The following RBFOX3 variants were observed in gnomAD, a reference collection of about 807,000 sequenced individuals.
RBFOX3 encodes the protein RNA binding protein fox-1 homolog 3.
Under a neutral mutation model 48.7 loss-of-function variants are expected in RBFOX3, and 17 were observed. The ratio of observed to expected loss-of-function variants is 0.35; its 90% CI spans 0.24 to 0.52. RBFOX3 has a LOEUF of 0.52. RBFOX3 is among the 20% of genes least tolerant of loss of function. The probability of loss-of-function intolerance (pLI) is 0.94; values close to 1 mark genes in which losing one functional copy is unlikely to be tolerated. For missense variants in RBFOX3, 382 were observed against 497.5 expected (o/e 0.77, Z 2.21); for synonymous variants, 212 against 209.5 (o/e 1.01, Z -0.10).
intron 2 of RBFOX3, among the ~76,000 whole-genome samples, chr17:79,426,032 C>A (rs570526842): frequency 6.6e-6 from 1 of 151,956 alleles, no homozygotes; most frequent in East Asian, 1.9e-4. Flanking sequence ...AGCAAGGCTG[C>A]GGGACTCATG....
chr17:79,280,899 C>T (rs1227676359), intron 3 of RBFOX3, among the ~76,000 whole-genome samples: 1 of 151,874 alleles, frequency 6.6e-6, no homozygotes, highest in Non-Finnish European at 1.5e-5. Context: ...TGCCATCCAT[C>T]ACGTATTACT....
At chr17:79,506,553 C>A (rs973184632) in intron 1 of RBFOX3, among the ~76,000 whole-genome samples, 222 of 152,314 alleles carry the variant, frequency 1.5e-3, no homozygotes, top group African/African-American at 4.7e-3. Flanking sequence ...GCAGCACTGC[C>A]CCGGGCCACA....
chr17:79,409,307 C>T (rs1474766468), intron 2 of RBFOX3, among the ~76,000 whole-genome samples: 2 of 152,204 alleles, frequency 1.3e-5, no homozygotes, highest in African/African-American at 2.4e-5. Context: ...CTCCTACAAA[C>T]GTGTGCACAC....
At chr17:79,445,367 C>T (rs149328527) in intron 2 of RBFOX3, among the ~76,000 whole-genome samples, 55 of 152,250 alleles carry the variant, frequency 3.6e-4, no homozygotes, top group African/African-American at 1.3e-3. Flanking sequence ...TAAATGACAG[C>T]GGCCTGGGTG....
intron 4 of RBFOX3, among the ~76,000 whole-genome samples, chr17:79,175,180 G>A (rs1346230850): frequency 6.6e-6 from 1 of 152,258 alleles, no homozygotes; most frequent in Non-Finnish European, 1.5e-5. Context: ...GGAGTACCTG[G>A]CGATGGCCAA....
upstream of RBFOX3, among the ~76,000 whole-genome samples, chr17:79,614,151 G>T (rs1207318138): frequency 2.6e-5 from 4 of 152,234 alleles, no homozygotes; most frequent in Non-Finnish European, 5.9e-5. Context: ...TCCCCCGAAG[G>T]CTCAGAAGGC....
intron 3 of RBFOX3, chr17:79,298,392 T>C (rs1456937643): frequency 6.6e-6 from 1 of 151,472 alleles, no homozygotes; most frequent in African/African-American, 2.4e-5. Flanking sequence ...GCTGGGAGAG[T>C]TGTGGCTAGC....
At chr17:79,126,707 C>G (rs1677589412) in intron 4 of RBFOX3, among the ~76,000 whole-genome samples, 2 of 152,162 alleles carry the variant, frequency 1.3e-5, no homozygotes, top group Non-Finnish European at 2.9e-5. Context: ...AATCTTAGAA[C>G]AGGTAGTTTC....
intron 4 of RBFOX3, among the ~76,000 whole-genome samples, chr17:79,121,827 T>C (rs1035545504): frequency 6.6e-6 from 1 of 152,106 alleles, no homozygotes; most frequent in Admixed American, 6.5e-5. Context: ...TTTCTGAAGG[T>C]TTTGATTTAG....
chr17:79,153,475 G>A (rs145101976), intron 4 of RBFOX3, among the ~76,000 whole-genome samples: 192 of 152,292 alleles, frequency 1.3e-3, no homozygotes, highest in Non-Finnish European at 2.2e-3. Flanking sequence ...TCAGGGCTGG[G>A]GACTTCAGAA....
the RBFOX3 span, among the ~76,000 whole-genome samples, chr17:79,657,369 T>C: frequency 1.3e-5 from 2 of 152,190 alleles, no homozygotes; most frequent in Admixed American, 6.5e-5. Flanking sequence ...GGCTGGATTC[T>C]AGAAGTGAGC....
chr17:79,644,333 T>A, the RBFOX3 span, among the ~76,000 whole-genome samples: 1 of 152,068 alleles, frequency 6.6e-6, no homozygotes, highest in African/African-American at 2.4e-5. Flanking sequence ...GAGGCCAACA[T>A]AACTATGATA....
At chr17:79,410,971 C>A (rs929310193) in intron 2 of RBFOX3, among the ~76,000 whole-genome samples, 1 of 152,220 alleles carries the variant, frequency 6.6e-6, no homozygotes, top group African/African-American at 2.4e-5. Flanking sequence ...CACGGCTGGG[C>A]TGGGCATCTG....
At chr17:79,294,705 C>G (rs1026711604) in intron 3 of RBFOX3, among the ~76,000 whole-genome samples, 4 of 152,176 alleles carry the variant, frequency 2.6e-5, no homozygotes, top group East Asian at 1.9e-4. Flanking sequence ...GCCAGCCACG[C>G]GGCCGAACTC....
intron 2 of RBFOX3, among the ~76,000 whole-genome samples, chr17:79,452,971 G>A (rs1359506676): frequency 1.3e-5 from 2 of 152,342 alleles, no homozygotes; most frequent in East Asian, 1.9e-4. Flanking sequence ...CACCCACTGA[G>A]ACGTGCAGCT....
chr17:79,326,562 G>A (rs1042424910), intron 2 of RBFOX3, among the ~76,000 whole-genome samples: 4 of 152,108 alleles, frequency 2.6e-5, no homozygotes, highest in African/African-American at 9.7e-5. Context: ...AAGGCCCAAG[G>A]AGGTGCCAGG....
At chr17:79,300,172 GGGA>G (rs2075087360) in intron 3 of RBFOX3, among the ~76,000 whole-genome samples, 2 of 152,178 alleles carry the variant, frequency 1.3e-5, no homozygotes, top group African/African-American at 4.8e-5. Context: ...CAAAAGTGCT[GGGA>G]TTACAGGCAT....
Position 79,252,038 on chromosome 17 carries a change from C to T in RBFOX3, c.-73-16233G>A, listed in dbSNP as rs1188329317. Among the ~76,000 whole-genome samples, 1 of 152,220 alleles carries T rather than the reference C, an allele frequency of 6.6e-6. No individual in the cohort carries two copies. The highest frequency in any genetic ancestry group is 2.4e-5 in the African/African-American group (1 of 41,466). On this transcript the variant is annotated intron_variant, in intron 3 of 14. Transcript: ENST00000693108. The surrounding 1 kb of genome is among the most constrained non-coding windows in gnomAD (Gnocchi z 4.0). ...AGCCTTGTCTTTCTCCATCTCTCAG[C>T]AGGGAATGAGTCTGCTGACCACGCC...
At chr17:79,561,123 T>G (rs2092186700) in intron 1 of RBFOX3, among the ~76,000 whole-genome samples, 1 of 151,808 alleles carries the variant, frequency 6.6e-6, no homozygotes, top group African/African-American at 2.4e-5. Flanking sequence ...AAAAGAGGAG[T>G]CTCAAAATCT....
Sources: allele counts gnomAD v4.1 joint callset (sites outside exome capture counted in the v4.1 genomes callset), GRCh38; gene constraint gnomAD v4.1.1; non-coding constraint Gnocchi (gnomAD v3.1); transcripts MANE v1.5; gene names NCBI Gene and HGNC (gene_info 2026-07-23, HGNC 2026-07-21).